FGD6: variants seen among roughly 807,000 people sequenced by gnomAD.
FGD6 encodes the protein FYVE, RhoGEF and PH domain containing 6.
In FGD6, 90 loss-of-function variants were observed where a neutral mutation model predicts 149.4. The observed-to-expected ratio is 0.60, with a 90% CI of 0.51 to 0.72. The LOEUF (loss-of-function observed/expected upper bound fraction) is 0.72. Among genes scored for constraint, FGD6 ranks in the 30% least tolerant of loss-of-function variants. The probability of loss-of-function intolerance (pLI) is 0.00; values close to 1 mark genes in which losing one functional copy is unlikely to be tolerated. For missense variants in FGD6, 1,437 were observed against 1,684.8 expected (o/e 0.85, Z 2.57); for synonymous variants, 527 against 584.0 (o/e 0.90, Z 1.41).
At chr12:95,107,740 G>C in intron 11 of FGD6, 109 bp from the exon 12 acceptor site, 1 of 1,086,678 alleles carries the variant, frequency 9.2e-7, no homozygotes, top group East Asian at 2.5e-5. Context: ...ACAGACTGGG[G>C]AGCCACAGTT....
intron 20 of FGD6, among the ~76,000 whole-genome samples, chr12:95,083,012 A>AAAAAAATATATATATATATATATATAT (rs68032073): frequency 5.0e-5 from 1 of 20,036 alleles, no homozygotes; most frequent in Admixed American, 5.4e-4. Flanking sequence ...AAAAAAAAAA[A>AAAAAAATATATATATATATATATATAT]ATATATATAT....
Position 95,149,436 on chromosome 12 carries a change from T to C in FGD6, c.2685+3375A>G, listed in dbSNP as rs893812536. Among the ~76,000 whole-genome samples the C allele has an allele frequency of 3.7e-3, 480 of 129,326 alleles. 1 individual carries two copies. The highest frequency in any genetic ancestry group is 0.012 in the African/African-American group (418 of 34,610). The allele number at this position is 129,326 out of a possible 152,430, so 84.8% of individuals were successfully genotyped here. On this transcript the variant is annotated intron_variant, in intron 5 of 20. Coordinates refer to ENST00000343958, the MANE Select transcript of FGD6 (RefSeq NM_018351.4). ...AGCATACTATATAATATATAGCATATATTATATATAATACATAGTATATTA... is the reference window on the plus strand; with the variant it reads ...AGCATACTATATAATATATAGCATACATTATATATAATACATAGTATATTA...
At chr12:95,089,470 T>C in intron 18 of FGD6, 99 bp downstream of exon 18, 9 of 1,402,068 alleles carry the variant, frequency 6.4e-6, no homozygotes, top group Non-Finnish European at 7.7e-6. Context: ...TTAATAGTTG[T>C]GGGAAATGAC....
intron 9 of FGD6, among the ~76,000 whole-genome samples, chr12:95,111,437 T>C (rs1878819375): frequency 6.6e-6 from 1 of 152,322 alleles, no homozygotes. Flanking sequence ...ATGGAGCTAA[T>C]AACTCACTTT....
chr12:95,205,491 C>T (rs1360244262), intron 2 of FGD6, among the ~76,000 whole-genome samples: 1 of 152,144 alleles, frequency 6.6e-6, no homozygotes, highest in Non-Finnish European at 1.5e-5. Context: ...CTTGTGATGA[C>T]CCCAGCAGAA....
chr12:95,183,867 C>CA (rs1881350860), intron 2 of FGD6, among the ~76,000 whole-genome samples: 2 of 151,996 alleles, frequency 1.3e-5, no homozygotes, highest in African/African-American at 4.8e-5. Context: ...AAACAACCTC[C>CA]AAAAAAGGTG....
At chr12:95,181,230 T>A (rs184859543) in intron 2 of FGD6, among the ~76,000 whole-genome samples, 1 of 152,318 alleles carries the variant, frequency 6.6e-6, no homozygotes, top group East Asian at 1.9e-4. Flanking sequence ...CCACACAACT[T>A]GTTGACTACG....
intron 3 of FGD6, among the ~76,000 whole-genome samples, chr12:95,157,704 T>C (rs752758375): frequency 7.2e-5 from 11 of 152,216 alleles, no homozygotes; most frequent in Non-Finnish European, 1.2e-4. Flanking sequence ...AGGATACTTT[T>C]TTCATGCTAC....
chr12:95,094,383 T>C (rs1878171517), intron 15 of FGD6, among the ~76,000 whole-genome samples: 1 of 152,162 alleles, frequency 6.6e-6, no homozygotes, highest in South Asian at 2.1e-4. Context: ...AACATGAATA[T>C]GCTATATGCT....
intron 9 of FGD6, among the ~76,000 whole-genome samples, chr12:95,112,780 T>A (rs1344322102): frequency 6.6e-6 from 1 of 152,184 alleles, no homozygotes; most frequent in East Asian, 1.9e-4. Context: ...ATTATCCCAC[T>A]AGCTATGAGT....
chr12:95,096,493 C>CT (rs1478878694), intron 14 of FGD6, among the ~76,000 whole-genome samples: 17 of 152,150 alleles, frequency 1.1e-4, no homozygotes, highest in African/African-American at 4.1e-4. Context: ...CTAAACCAAA[C>CT]AAAACCCTGC....
intron 14 of FGD6, among the ~76,000 whole-genome samples, chr12:95,101,897 G>T (rs1339989267): frequency 1.3e-5 from 2 of 151,640 alleles, no homozygotes; most frequent in Non-Finnish European, 2.9e-5. Context: ...TGGCCAGGAT[G>T]GTCTCGATCT....
chr12:95,128,952 G>T lies in FGD6; in HGVS notation c.3082+5787C>A, dbSNP rs1299406645. ...TGGTCTTTATACTATGAATAAGTGG[G>T]TTTTCAACTTTTCTAATAAACAGAA... On this transcript the variant is annotated intron_variant, in intron 8 of 20. Transcript: ENST00000343958. Among the ~76,000 whole-genome samples the T allele has an allele frequency of 2.0e-5, 3 of 152,202 alleles. No homozygotes were observed. In the East Asian group the frequency reaches 5.8e-4, roughly 29 times the overall value.
chr12:95,084,223 T>A (rs2136230189), intron 20 of FGD6, among the ~76,000 whole-genome samples: 1 of 152,372 alleles, frequency 6.6e-6, no homozygotes, highest in African/African-American at 2.4e-5. Context: ...CAGAGCAGCA[T>A]CACGCTGCTT....
intron 8 of FGD6, among the ~76,000 whole-genome samples, chr12:95,119,235 C>T (rs968320185): frequency 6.6e-6 from 1 of 152,072 alleles, no homozygotes; most frequent in Non-Finnish European, 1.5e-5. Context: ...CATAAAATAA[C>T]TAGGCTGAAC....
intron 2 of FGD6, chr12:95,189,506 G>A (rs1881531548): frequency 1.3e-5 from 2 of 152,082 alleles, no homozygotes; most frequent in Admixed American, 1.3e-4. Context: ...AAATTAGCTG[G>A]GTGTGGTGCC....
intron 8 of FGD6, among the ~76,000 whole-genome samples, chr12:95,132,941 G>A (rs1222431039): frequency 6.6e-6 from 1 of 152,184 alleles, no homozygotes; most frequent in African/African-American, 2.4e-5. Context: ...TGGTTTATGA[G>A]AAGCACTGAG....
At chr12:95,203,389 C>CA (rs2056672617) in intron 2 of FGD6, among the ~76,000 whole-genome samples, 1 of 152,150 alleles carries the variant, frequency 6.6e-6, no homozygotes, top group African/African-American at 2.4e-5. Context: ...TCCCAGTTTG[C>CA]AATCTGGCTC....
intron 9 of FGD6, among the ~76,000 whole-genome samples, chr12:95,112,972 C>A (rs1042862129): frequency 1.3e-5 from 2 of 152,124 alleles, no homozygotes; most frequent in Non-Finnish European, 2.9e-5. Context: ...GGTTCAATCC[C>A]TGTTTTTGAA....
Sources: gnomAD v4.1 joint callset for allele counts (sites outside exome capture counted in the v4.1 genomes callset) on GRCh38, gnomAD v4.1.1 for gene constraint, MANE v1.5 for transcripts, NCBI Gene and HGNC (gene_info 2026-07-23, HGNC 2026-07-21) for gene names.